The following KIRREL3 variants were observed in gnomAD, a reference collection of about 807,000 sequenced individuals.
The protein encoded by KIRREL3 is kin of IRRE-like protein 3.
In KIRREL3, 36 loss-of-function variants were observed where a neutral mutation model predicts 89.7. The ratio of observed to expected loss-of-function variants is 0.40; its 90% CI spans 0.31 to 0.53. The LOEUF is 0.53. Among genes scored for constraint, KIRREL3 ranks in the 20% least tolerant of loss-of-function variants. The pLI is 0.49. For synonymous variants in KIRREL3, 445 were observed against 441.4 expected (o/e 1.01, Z -0.10); for missense variants, 864 against 1,056.6 (o/e 0.82, Z 2.53).
Position 126,545,662 on chromosome 11 carries a change from G to C in KIRREL3, c.133+17173C>G, listed in dbSNP as rs527843814. Among the ~76,000 whole-genome samples the C allele has an allele frequency of 1.2e-4, 17 of 136,638 alleles. No individual in the cohort carries two copies. In the South Asian group the frequency reaches 3.7e-3, roughly 30 times the overall value. The allele number at this position is 136,638 out of a possible 152,430, so 89.6% of individuals were successfully genotyped here. A position where few individuals can be genotyped will look rare whatever the true frequency, so the allele number is the denominator to read the frequency against. On this transcript the variant is annotated intron_variant, in intron 2 of 16. Transcript: ENST00000525144. ...AAATAAATAAAATAAAGAACTCCTG[G>C]ATGACTGCATTATGGAGAACAGGCC...
intron 1 of KIRREL3, among the ~76,000 whole-genome samples, chr11:126,849,695 T>A (rs1392155052): frequency 6.6e-6 from 1 of 151,964 alleles, no homozygotes; most frequent in Non-Finnish European, 1.5e-5. Flanking sequence ...GAACGGGCAC[T>A]TGATGGTCAT....
chr11:126,726,293 T>C (rs1341300949), intron 1 of KIRREL3, among the ~76,000 whole-genome samples: 1 of 152,220 alleles, frequency 6.6e-6, no homozygotes, highest in Non-Finnish European at 1.5e-5. Flanking sequence ...TTCTAGAATT[T>C]TTCCTCAGAA....
chr11:126,599,998 C>A (rs542413947), intron 1 of KIRREL3, among the ~76,000 whole-genome samples: 5 of 152,180 alleles, frequency 3.3e-5, no homozygotes, highest in Admixed American at 3.3e-4. Flanking sequence ...TAGAACACAG[C>A]GAGAGTGATG....
At chr11:126,604,530 G>A (rs116654641) in intron 1 of KIRREL3, among the ~76,000 whole-genome samples, 2,222 of 152,302 alleles carry the variant, frequency 0.015, 57 homozygotes, top group African/African-American at 0.048. Context: ...GGACCAGGCC[G>A]TTCGCAGTTA....
chr11:126,895,702 C>T (rs1204188802), intron 1 of KIRREL3, among the ~76,000 whole-genome samples: 6 of 152,214 alleles, frequency 3.9e-5, no homozygotes, highest in East Asian at 1.9e-4. Flanking sequence ...TGAAGGCTCC[C>T]GTGCATGGAG....
rs1279226891 is a variant in KIRREL3, at chr11:126,747,050, C to A, written c.56-184138G>T. Among the ~76,000 whole-genome samples the A allele has an allele frequency of 6.6e-6, 1 of 152,212 alleles. No individual in the cohort carries two copies. Among genetic ancestry groups the A allele is most frequent in the Non-Finnish European group, 1.5e-5 (1 of 68,038 alleles). On this transcript the variant is annotated intron_variant, in intron 1 of 16. Coordinates refer to ENST00000525144, the MANE Select transcript of KIRREL3 (RefSeq NM_032531.4). The surrounding 1 kb of genome is among the most constrained non-coding windows in gnomAD (Gnocchi z 4.7). ...TGCTTCTGCCATCTTGGCTTAAAAA[C>A]CTCCAGTGGTTCTGAACATCTTCAC... is the stretch of plus-strand genomic sequence containing the variant.
intron 6 of KIRREL3, among the ~76,000 whole-genome samples, chr11:126,457,430 CGTGT>C (rs1189036400): frequency 7.3e-6 from 1 of 136,318 alleles, no homozygotes; most frequent in African/African-American, 2.8e-5. Context: ...TGTGTCTATG[CGTGT>C]GTGTATGTGT....
intron 1 of KIRREL3, among the ~76,000 whole-genome samples, chr11:126,720,627 C>T (rs1196839724): frequency 6.6e-6 from 1 of 152,200 alleles, no homozygotes; most frequent in Admixed American, 6.5e-5. Context: ...AAGACATTCA[C>T]CACCCAAACA....
At chr11:126,483,853 T>G (rs541136789) in intron 4 of KIRREL3, among the ~76,000 whole-genome samples, 45 of 152,336 alleles carry the variant, frequency 3.0e-4, no homozygotes, top group African/African-American at 1.0e-3. Context: ...CAAAGGCCTA[T>G]CATGCCTTGT....
rs1464545171 is a variant in KIRREL3 at position 126,455,954 on chromosome 11, G to T, written c.848+395C>A. Among the ~76,000 whole-genome samples the T allele has an allele frequency of 6.6e-6, 1 of 151,364 alleles. No individual in the cohort carries two copies. The highest frequency in any genetic ancestry group is 1.5e-5 in the Non-Finnish European group (1 of 67,928). On this transcript the variant is annotated intron_variant, in intron 7 of 16. Transcript: ENST00000525144. This position sits in a 1 kb window ranked among gnomAD's most constrained non-coding sequence, Gnocchi z 6.4. The stretch of plus-strand genomic sequence containing the variant: ...GGCCCAGACATCCTGATCTACCCAG[G>T]TGAACCAGTTTGATGGGCACAAGAC...
rs1280205752 is a variant in KIRREL3, at chr11:126,867,907, C to T, written c.55+132548G>A. On this transcript the variant is annotated intron_variant, in intron 1 of 16. Coordinates refer to ENST00000525144, the MANE Select transcript of KIRREL3 (RefSeq NM_032531.4). This position sits in a 1 kb window ranked among gnomAD's most constrained non-coding sequence, Gnocchi z 4.7. The stretch of plus-strand genomic sequence containing the variant: ...ATGCATGTCTTATATATCTGTATCC[C>T]CTACAGCACCTAACCTCAGAGCTAG... 6.6e-6 allele frequency among the ~76,000 whole-genome samples: 1 copy of T among 152,078 alleles called. No individual in the cohort carries two copies. Among genetic ancestry groups the T allele is most frequent in the East Asian group, 1.9e-4 (1 of 5,182 alleles).
Position 126,513,439 on chromosome 11 carries a change from A to G in KIRREL3, c.433+7876T>C, listed in dbSNP as rs1172608948. On this transcript the variant is annotated intron_variant, in intron 4 of 16. Coordinates refer to ENST00000525144, the MANE Select transcript of KIRREL3 (RefSeq NM_032531.4). This position sits in a 1 kb window ranked among gnomAD's most constrained non-coding sequence, Gnocchi z 5.9. ...GCATCAGGTCTTCTCCTTCTTGGAG[A>G]GGCTCCTGCCTGCCCTTCTCCACAC... Among the ~76,000 whole-genome samples, 1 of 151,966 alleles carries G rather than the reference A, an allele frequency of 6.6e-6. No individual in the cohort carries two copies. The highest frequency in any genetic ancestry group is 1.5e-5 in the Non-Finnish European group (1 of 67,982).
intron 1 of KIRREL3, among the ~76,000 whole-genome samples, chr11:126,926,977 C>A (rs1243814373): frequency 3.9e-5 from 6 of 152,198 alleles, no homozygotes; most frequent in African/African-American, 1.2e-4. Flanking sequence ...TCTGCCTGCC[C>A]TGTCTGCATG....
At chr11:126,929,105 A>G (rs749122272) in intron 1 of KIRREL3, among the ~76,000 whole-genome samples, 4 of 152,204 alleles carry the variant, frequency 2.6e-5, no homozygotes, top group Non-Finnish European at 4.4e-5. Flanking sequence ...CAGAGTGGAG[A>G]GGACACATCT....
At chr11:126,919,995 T>C (rs1056936208) in intron 1 of KIRREL3, among the ~76,000 whole-genome samples, 2 of 152,226 alleles carry the variant, frequency 1.3e-5, no homozygotes, top group Non-Finnish European at 2.9e-5. Flanking sequence ...ATACCTGATA[T>C]GATGCTAAAT....
rs1260302937 is a variant in KIRREL3 at position 126,970,369 on chromosome 11, C to T, written c.55+30086G>A. 2.0e-5 allele frequency among the ~76,000 whole-genome samples: 3 copies of T among 152,090 alleles called. No individual in the cohort carries two copies. The highest frequency in any genetic ancestry group is 7.2e-5 in the African/African-American group (3 of 41,430). On this transcript the variant is annotated intron_variant, in intron 1 of 16. Transcript: ENST00000525144. The surrounding 1 kb of genome is among the most constrained non-coding windows in gnomAD (Gnocchi z 4.4). ...TTATGAAACACTGCTCTTTATTAAACACTACATTAAACACAAATAGGTAGG... is the reference window on the plus strand; with the variant it reads ...TTATGAAACACTGCTCTTTATTAAATACTACATTAAACACAAATAGGTAGG...
At position 126,769,019 on chromosome 11, in the gene KIRREL3, A is replaced by G. The variant is rs1949936375; in HGVS notation, c.56-206107T>C. 1.3e-5 allele frequency among the ~76,000 whole-genome samples: 2 copies of G among 152,152 alleles called. No individual in the cohort carries two copies. The highest frequency in any genetic ancestry group is 2.4e-5 in the African/African-American group (1 of 41,422). On this transcript the variant is annotated intron_variant, in intron 1 of 16. Coordinates refer to ENST00000525144, the MANE Select transcript of KIRREL3 (RefSeq NM_032531.4). The surrounding 1 kb of genome is among the most constrained non-coding windows in gnomAD (Gnocchi z 4.3). ...TCCCAAATACACATTTCCGCAGCAC[A>G]TTTCCATGCCTCTGCATAGGCTGTC...
At position 126,531,923 on chromosome 11, in the gene KIRREL3, A is replaced by G. The variant is rs1958955977; in HGVS notation, c.134-5236T>C. Among the ~76,000 whole-genome samples the G allele has an allele frequency of 6.6e-6, 1 of 152,162 alleles. No individual in the cohort carries two copies. Among genetic ancestry groups the G allele is most frequent in the Admixed American group, 6.5e-5 (1 of 15,288 alleles). ...GGTTGGTCTGCTGAGATCGGTGGTCACTACAGGAAAATTGCTTTTGCATTA... is the reference window on the plus strand; with the variant it reads ...GGTTGGTCTGCTGAGATCGGTGGTCGCTACAGGAAAATTGCTTTTGCATTA... On this transcript the variant is annotated intron_variant, in intron 2 of 16. Coordinates refer to ENST00000525144, the MANE Select transcript of KIRREL3 (RefSeq NM_032531.4). The surrounding 1 kb of genome is among the most constrained non-coding windows in gnomAD (Gnocchi z 4.7).
intron 1 of KIRREL3, among the ~76,000 whole-genome samples, chr11:126,603,889 A>G (rs565159949): frequency 8.1e-4 from 124 of 152,210 alleles, no homozygotes; most frequent in African/African-American, 2.8e-3. Context: ...CTCCCCAAAT[A>G]GCCCCCCCTC....
Sources: gnomAD v4.1 joint callset for allele counts (sites outside exome capture counted in the v4.1 genomes callset) on GRCh38, gnomAD v4.1.1 for gene constraint, Gnocchi (gnomAD v3.1) non-coding constraint, MANE v1.5 for transcripts, NCBI Gene and HGNC (gene_info 2026-07-23, HGNC 2026-07-21) for gene names.